The following ZFHX3 variants were observed in gnomAD, a reference collection of about 807,000 sequenced individuals.
ZFHX3 encodes the protein zinc finger homeobox 3.
ZFHX3 carries 42 observed loss-of-function variants against 279.1 expected under a neutral mutation model. The ratio of observed to expected loss-of-function variants is 0.15; its 90% confidence interval spans 0.12 to 0.19. The LOEUF (loss-of-function observed/expected upper bound fraction) is 0.19. Ranked by LOEUF, ZFHX3 falls within the 10% of genes least tolerant of loss-of-function variation. ZFHX3 has a pLI of 1.00. For synonymous variants in ZFHX3, 2,293 were observed against 1,957.8 expected (o/e 1.17, Z -4.52); for missense variants, 4,981 against 4,754.0 (o/e 1.05, Z -1.40).
intron 1 of ZFHX3, among the ~76,000 whole-genome samples, chr16:73,850,431 T>G (rs989143943): frequency 6.6e-5 from 10 of 152,194 alleles, no homozygotes; most frequent in Non-Finnish European, 1.3e-4. Context: ...TTCTGAAAAC[T>G]GAGTCTGTCT....
At chr16:72,822,798 T>C (rs1399843669) in intron 5 of ZFHX3, among the ~76,000 whole-genome samples, 1 of 136,718 alleles carries the variant, frequency 7.3e-6, no homozygotes. Context: ...AAAGTGAGTT[T>C]TTTTTTTTTT....
intron 2 of ZFHX3, among the ~76,000 whole-genome samples, chr16:73,626,125 G>A (rs2052414122): frequency 6.6e-6 from 1 of 152,136 alleles, no homozygotes; most frequent in African/African-American, 2.4e-5. Context: ...CAAAGTGCTG[G>A]GATTACAGGC....
chr16:73,045,412 G>A (rs1965257270), intron 1 of ZFHX3, among the ~76,000 whole-genome samples: 1 of 152,122 alleles, frequency 6.6e-6, no homozygotes, highest in Admixed American at 6.5e-5. Context: ...TTGCCACTGG[G>A]CTGTCCAATT....
chr16:72,941,443 T>C (rs534060214), intron 3 of ZFHX3, among the ~76,000 whole-genome samples: 1 of 152,346 alleles, frequency 6.6e-6, no homozygotes, highest in African/African-American at 2.4e-5. Flanking sequence ...AACAAATTTC[T>C]AGGCTATCCA....
intron 1 of ZFHX3, among the ~76,000 whole-genome samples, chr16:72,970,667 C>T (rs944790749): frequency 1.3e-5 from 2 of 152,206 alleles, no homozygotes; most frequent in Non-Finnish European, 2.9e-5. Flanking sequence ...CCGGCTAAAC[C>T]GGACACCTTC....
intron 4 of ZFHX3, among the ~76,000 whole-genome samples, chr16:73,300,635 C>A (rs11640521): frequency 0.32 from 48,004 of 152,088 alleles, 8,287 homozygotes; most frequent in Non-Finnish European, 0.41. Flanking sequence ...TCCCGCGAAG[C>A]TGGGATTACA....
chr16:73,584,800 C>A (rs1432031619), intron 2 of ZFHX3, among the ~76,000 whole-genome samples: 1 of 152,152 alleles, frequency 6.6e-6, no homozygotes, highest in East Asian at 1.9e-4. Flanking sequence ...AGAGAACAGA[C>A]AACCTACAGA....
chr16:72,881,532 C>G (rs2038470273), intron 4 of ZFHX3, among the ~76,000 whole-genome samples: 1 of 152,162 alleles, frequency 6.6e-6, no homozygotes, highest in Admixed American at 6.5e-5. Flanking sequence ...CTGGCCCCTA[C>G]CAAGGTCGGG....
At chr16:73,814,812 C>A (rs1042985955) in intron 1 of ZFHX3, among the ~76,000 whole-genome samples, 10 of 152,108 alleles carry the variant, frequency 6.6e-5, no homozygotes, top group African/African-American at 2.4e-4. Context: ...AGGTGATGTG[C>A]CCACCTCGGC....
At chr16:72,862,421 T>C (rs1173615792) in intron 4 of ZFHX3, among the ~76,000 whole-genome samples, 1 of 152,246 alleles carries the variant, frequency 6.6e-6, no homozygotes, top group African/African-American at 2.4e-5. Flanking sequence ...CTTTGCAGTA[T>C]TCAGGGTAAA....
intron 5 of ZFHX3, among the ~76,000 whole-genome samples, chr16:73,212,990 A>G (rs2012073921): frequency 6.6e-6 from 1 of 152,176 alleles, no homozygotes; most frequent in Admixed American, 6.5e-5. Flanking sequence ...AGTAATCAAG[A>G]TGTTAATTAT....
In ZFHX3 at chr16:73,271,313, C is replaced by T. The variant is rs577788719; in HGVS notation, c.-1193-14177G>A. ...CTAAGTCAGTCTTCTTGTTTTGAGACCCTCCGATTTCAGTGTGTCCCATAG... is the reference window on the plus strand; with the variant it reads ...CTAAGTCAGTCTTCTTGTTTTGAGATCCTCCGATTTCAGTGTGTCCCATAG... On this transcript the variant is annotated intron_variant, in intron 4 of 17. Transcript: ENST00000641206. 7.3e-4 allele frequency among the ~76,000 whole-genome samples: 111 copies of T among 152,312 alleles called. 3 individuals carry two copies. In the South Asian group the frequency reaches 0.022, roughly 30 times the overall value.
In ZFHX3 at chr16:73,532,380, T is replaced by C. The variant is rs111936624; in HGVS notation, c.-1546-76122A>G. ...ACCTTCCTTTGCTCTTTCTTTGTCTTCCACCACGATTGTGAGGCCTCCCCA... is the reference window on the plus strand; with the variant it reads ...ACCTTCCTTTGCTCTTTCTTTGTCTCCCACCACGATTGTGAGGCCTCCCCA... On this transcript the variant is annotated intron_variant, in intron 2 of 17. Transcript: ENST00000641206. 2.9e-3 allele frequency among the ~76,000 whole-genome samples: 447 copies of C among 152,294 alleles called. 2 individuals are homozygous for C. Among genetic ancestry groups the C allele is most frequent in the South Asian group, 5.6e-3 (27 of 4,826 alleles).
chr16:73,228,893 T>C (rs112507090), intron 5 of ZFHX3, among the ~76,000 whole-genome samples: 2 of 152,170 alleles, frequency 1.3e-5, no homozygotes, highest in African/African-American at 4.8e-5. Context: ...GCTGGTTTCC[T>C]TCTCCCTTGT....
intron 2 of ZFHX3, among the ~76,000 whole-genome samples, chr16:73,600,489 C>A (rs2052101029): frequency 6.7e-6 from 1 of 150,028 alleles, no homozygotes; most frequent in Non-Finnish European, 1.5e-5. Flanking sequence ...GCAATCTCCA[C>A]TCGCTGCTAG....
chr16:73,527,695 C>T (rs1057108671), intron 2 of ZFHX3, among the ~76,000 whole-genome samples: 1 of 152,202 alleles, frequency 6.6e-6, no homozygotes, highest in Admixed American at 6.5e-5. Context: ...CTGGAGGAAG[C>T]AAGCTACCAT....
At position 72,986,252 on chromosome 16, in the gene ZFHX3, G is replaced by C. The variant is rs1046180829; in HGVS notation, c.-49-26058C>G. ...GGGGAGGACGGAAGCACAGCCGACA[G>C]CCACTCAGGGCCTTCAGATTTCCTC... On this transcript the variant is annotated intron_variant, in intron 1 of 9. Transcript: ENST00000268489. Among the ~76,000 whole-genome samples the C allele has an allele frequency of 4.6e-5, 7 of 152,300 alleles. No homozygotes were observed. The East Asian group carries it at 1.2e-3, about 25-fold the overall frequency.
chr16:72,885,883 G>A (rs947569179), intron 4 of ZFHX3, among the ~76,000 whole-genome samples: 15 of 152,158 alleles, frequency 9.9e-5, no homozygotes, highest in African/African-American at 3.6e-4. Flanking sequence ...CCTAAAAGGT[G>A]CACCAAGACT....
At chr16:73,255,831 T>A (rs34032577) in intron 5 of ZFHX3, among the ~76,000 whole-genome samples, 4,073 of 152,310 alleles carry the variant, frequency 0.027, 92 homozygotes, top group Admixed American at 0.062. Context: ...CAGCATGGTC[T>A]GAGTGGTTTT....
Sources: gnomAD v4.1 joint callset for allele counts (sites outside exome capture counted in the v4.1 genomes callset) on GRCh38, gnomAD v4.1.1 for gene constraint, MANE v1.5 for transcripts, NCBI Gene and HGNC (gene_info 2026-07-23, HGNC 2026-07-21) for gene names.